Variants in GXYLT2 observed in about 807,000 individuals in gnomAD.
The protein encoded by GXYLT2 is glycosyltransferase 8 domain containing 4.
Under a neutral mutation model 45.8 loss-of-function variants are expected in GXYLT2, and 53 were observed. The ratio of observed to expected loss-of-function variants is 1.16; its 90% CI spans 0.93 to 1.46. The LOEUF (loss-of-function observed/expected upper bound fraction) is 1.46, where lower values mean the gene tolerates loss of function less well. Among genes scored for constraint, GXYLT2 ranks in the 40% most tolerant of loss-of-function variants. GXYLT2 has a pLI of 0.00. For missense variants in GXYLT2, 551 were observed against 544.4 expected (o/e 1.01, Z -0.12); for synonymous variants, 219 against 214.2 (o/e 1.02, Z -0.19).
At chr3:72,971,173 G>A (rs769343731) in intron 6 of GXYLT2, among the ~76,000 whole-genome samples, 18 of 152,138 alleles carry the variant, frequency 1.2e-4, no homozygotes, top group Admixed American at 2.0e-4. Context: ...AGCAGTTGTG[G>A]TTCTTGAGTT....
At chr3:72,937,285 T>G (rs899489226) in intron 3 of GXYLT2, among the ~76,000 whole-genome samples, 1 of 152,236 alleles carries the variant, frequency 6.6e-6, no homozygotes, top group African/African-American at 2.4e-5. Flanking sequence ...CATTTCTGTC[T>G]TATATATTTA....
intron 1 of GXYLT2, among the ~76,000 whole-genome samples, chr3:72,896,535 C>T (rs989680697): frequency 1.1e-4 from 16 of 152,138 alleles, no homozygotes; most frequent in Admixed American, 5.9e-4. Flanking sequence ...CAATCTCAGT[C>T]TCCTGGTACT....
chr3:72,938,632 G>C (rs919572911), intron 3 of GXYLT2, among the ~76,000 whole-genome samples: 4 of 152,182 alleles, frequency 2.6e-5, no homozygotes, highest in Non-Finnish European at 5.9e-5. Flanking sequence ...GGCTGGGATT[G>C]CAACACCTGA....
rs1379312100 is a variant in GXYLT2, at chr3:72,917,404, CA to C, written c.469-4798del. Among the ~76,000 whole-genome samples, 10 of 152,214 alleles carry C rather than the reference CA, an allele frequency of 6.6e-5. No homozygotes were observed. In the East Asian group the frequency reaches 1.9e-3, roughly 29 times the overall value. ...AGCGTCAGTTCTAATGGGATCTGTG[CA>C]ATTATACTGGGTAAATACTAGGTAA... On this transcript the variant is annotated intron_variant, in intron 2 of 6. Transcript: ENST00000389617.
chr3:72,970,143 G>A (rs771893480), intron 6 of GXYLT2, among the ~76,000 whole-genome samples: 2 of 152,066 alleles, frequency 1.3e-5, no homozygotes, highest in Non-Finnish European at 2.9e-5. Flanking sequence ...TTGAGGTTAG[G>A]AATTCAAGAC....
In GXYLT2 at chr3:72,948,835, CAAAAAA is replaced by C. The variant is rs1234193329; in HGVS notation, c.601-6247_601-6242del. ...CTGGTGACAGAGCAAGATTCTGTCT[CAAAAAA>C]AAAAAAAAAAAAAAATCCCTTTGAC... On this transcript the variant is annotated intron_variant, in intron 3 of 6. Coordinates refer to ENST00000389617, the MANE Select transcript of GXYLT2 (RefSeq NM_001080393.2). 6.4e-3 allele frequency among the ~76,000 whole-genome samples: 478 copies of C among 74,972 alleles called. 4 individuals carry two copies. The highest frequency in any genetic ancestry group is 0.019 in the African/African-American group (435 of 22,358). The allele number at this position is 74,972 out of a possible 152,430, so 49.2% of individuals were successfully genotyped here. A position where few individuals can be genotyped will look rare whatever the true frequency, so the allele number is the denominator to read the frequency against.
At chr3:72,927,567 T>C (rs1407451009) in intron 3 of GXYLT2, among the ~76,000 whole-genome samples, 1 of 152,214 alleles carries the variant, frequency 6.6e-6, no homozygotes, top group Non-Finnish European at 1.5e-5. Context: ...ATATTATTAT[T>C]AATATTACAC....
intron 5 of GXYLT2, among the ~76,000 whole-genome samples, chr3:72,959,835 A>G (rs991688378): frequency 6.6e-6 from 1 of 151,944 alleles, no homozygotes; most frequent in Non-Finnish European, 1.5e-5. Flanking sequence ...GGGTTTCGCC[A>G]TGTTGGCCAG....
rs1709503551 is a variant in GXYLT2, at chr3:72,905,973, T to G, written c.276-2394T>G. ...TTCTGTTTGGGGGCAGGTGAGGGTATTCATATTTAAGATATCTAAGTGATT... is the reference window on the plus strand; with the variant it reads ...TTCTGTTTGGGGGCAGGTGAGGGTAGTCATATTTAAGATATCTAAGTGATT... On this transcript the variant is annotated intron_variant, in intron 1 of 6. Transcript: ENST00000389617. Among the ~76,000 whole-genome samples, 3 of 152,350 alleles carry G rather than the reference T, an allele frequency of 2.0e-5. No homozygotes were observed. In the South Asian group the frequency reaches 6.2e-4, roughly 32 times the overall value.
At chr3:72,948,500 C>T (rs1710454528) in intron 3 of GXYLT2, among the ~76,000 whole-genome samples, 1 of 152,138 alleles carries the variant, frequency 6.6e-6, no homozygotes, top group African/African-American at 2.4e-5. Context: ...TTAAACAAGA[C>T]ACTTGTACAG....
At chr3:72,929,139 A>G (rs1489089048) in intron 3 of GXYLT2, 3 of 1,589,396 alleles carry the variant, frequency 1.9e-6, no homozygotes, top group African/African-American at 1.3e-5. Context: ...TACGCCTCCT[A>G]CGTTTACCTG....
At chr3:72,943,630 G>A (rs948348402) in intron 3 of GXYLT2, among the ~76,000 whole-genome samples, 20 of 152,034 alleles carry the variant, frequency 1.3e-4, no homozygotes, top group African/African-American at 4.8e-4. Flanking sequence ...TCCTGCCTTG[G>A]CCTCCCAAAG....
rs143885002 is a variant in GXYLT2, at chr3:72,956,034, C to T, written c.852+685C>T. On this transcript the variant is annotated intron_variant, in intron 4 of 6. Coordinates refer to ENST00000389617, the MANE Select transcript of GXYLT2 (RefSeq NM_001080393.2). ...CAGAGGTTGCAGTGAGCCAAGATCA[C>T]GCCACTGTACTCCAGCCTGGCGACA... Among the ~76,000 whole-genome samples the T allele has an allele frequency of 9.3e-3, 1,413 of 152,230 alleles. 10 individuals carry two copies. The highest frequency in any genetic ancestry group is 0.015 in the Non-Finnish European group (1,033 of 68,012).
At chr3:72,969,750 A>G (rs1170963908) in intron 6 of GXYLT2, among the ~76,000 whole-genome samples, 2 of 152,202 alleles carry the variant, frequency 1.3e-5, no homozygotes, top group Admixed American at 6.5e-5. Flanking sequence ...CTTTACAGAA[A>G]AAGTTAGCCA....
rs1709947663 is a variant in GXYLT2 at position 72,927,857 on chromosome 3, G to A, written c.600+5522G>A. Among the ~76,000 whole-genome samples the A allele has an allele frequency of 3.3e-5, 5 of 152,282 alleles. No homozygotes were observed. The South Asian group carries it at 8.3e-4, about 25-fold the overall frequency. On this transcript the variant is annotated intron_variant, in intron 3 of 6. Transcript: ENST00000389617. ...ATCATTTACTCATACACTATTAAAA[G>A]TTTGACATTCAGGATATTAGCTACA...
intron 2 of GXYLT2, among the ~76,000 whole-genome samples, chr3:72,914,332 A>T (rs1709689215): frequency 6.6e-6 from 1 of 152,118 alleles, no homozygotes; most frequent in African/African-American, 2.4e-5. Flanking sequence ...GGGAGATGCC[A>T]GCCAGTTGGT....
chr3:72,975,299 A>G lies in GXYLT2; in HGVS notation c.*140A>G, dbSNP rs1020637533. ...TTTAAAAACCTCGTTAAATTTTGCC[A>G]AATCAGTTGCCCCCAAAAGGGAATA... On this transcript the variant is annotated 3_prime_UTR_variant, in exon 7 of 7. Transcript: ENST00000389617. 6 of 514,832 alleles carry G rather than the reference A, an allele frequency of 1.2e-5. No homozygotes were observed. The highest frequency in any genetic ancestry group is 2.0e-5 in the African/African-American group (1 of 50,524). The allele number at this position is 514,832 out of a possible 1,614,324, so 31.9% of individuals were successfully genotyped here.
At chr3:72,906,953 A>G (rs1021038366) in intron 1 of GXYLT2, among the ~76,000 whole-genome samples, 2 of 152,124 alleles carry the variant, frequency 1.3e-5, no homozygotes, top group Admixed American at 6.5e-5. Context: ...ACACAATCCT[A>G]TTTGCACTTT....
chr3:72,947,834 C>T (rs1710440698), intron 3 of GXYLT2, among the ~76,000 whole-genome samples: 1 of 151,970 alleles, frequency 6.6e-6, no homozygotes, highest in South Asian at 2.1e-4. Flanking sequence ...AGTGAAAGGC[C>T]TTGGAGGGGT....
Sources: allele counts gnomAD v4.1 joint callset (sites outside exome capture counted in the v4.1 genomes callset), GRCh38; gene constraint gnomAD v4.1.1; transcripts MANE v1.5; gene names NCBI Gene and HGNC (gene_info 2026-07-23, HGNC 2026-07-21).